Variants in MCTP2 observed in about 807,000 individuals in gnomAD.
The protein encoded by MCTP2 is multiple C2 and transmembrane domain containing 2.
MCTP2 carries 132 observed loss-of-function variants against 111.6 expected under a neutral mutation model. The observed-to-expected ratio is 1.18, with a 90% CI of 1.03 to 1.37. MCTP2 has a LOEUF of 1.37. MCTP2 is among the 40% of genes most tolerant of loss of function. The pLI is 0.00. For synonymous variants in MCTP2, 395 were observed against 387.7 expected (o/e 1.02, Z -0.22); for missense variants, 1,183 against 1,067.9 (o/e 1.11, Z -1.50).
At position 94,483,414 on chromosome 15, in the gene MCTP2, T is replaced by C. The variant is rs896756337; in HGVS notation, c.*4380T>C. 2 of 152,198 alleles carry C rather than the reference T, an allele frequency of 1.3e-5. No homozygotes were observed. Among genetic ancestry groups the C allele is most frequent in the African/African-American group, 4.8e-5 (2 of 41,450 alleles). The allele number at this position is 152,198 out of a possible 1,614,324, so 9.4% of individuals were successfully genotyped here. ...AAAACACATGCACACACATGTTCAC[T>C]GCAACACTATTTACAATAGCAAAGA... On this transcript the variant is annotated 3_prime_UTR_variant, in exon 23 of 23. Coordinates refer to ENST00000357742, the MANE Select transcript of MCTP2 (RefSeq NM_001385001.1).
chr15:94,421,943 G>A (rs1266002890), intron 17 of MCTP2, among the ~76,000 whole-genome samples: 3 of 152,152 alleles, frequency 2.0e-5, no homozygotes, highest in Admixed American at 2.0e-4. Context: ...TGAAGGATAA[G>A]GATTTCTAAA....
chr15:94,458,037 T>C (rs1188261073), intron 19 of MCTP2, 100 bp from the exon 20 acceptor site: 1 of 672,790 alleles, frequency 1.5e-6, no homozygotes, highest in Non-Finnish European at 2.6e-6. Context: ...TGTCACTCTA[T>C]TGGTAAAAAC....
At chr15:94,276,550 G>C (rs1015297090) in intron 1 of MCTP2, among the ~76,000 whole-genome samples, 1 of 151,382 alleles carries the variant, frequency 6.6e-6, no homozygotes, top group Non-Finnish European at 1.5e-5. Context: ...CCTAAACAAA[G>C]AACAAAGGAA....
chr15:94,319,769 ATAATT>A (rs1337354084), intron 4 of MCTP2, among the ~76,000 whole-genome samples: 2 of 152,258 alleles, frequency 1.3e-5, no homozygotes, highest in African/African-American at 4.8e-5. Flanking sequence ...GTATTGGAAT[ATAATT>A]TAATTTAGTA....
At chr15:94,468,327 G>GAATAAATCT (rs1596832213) in intron 20 of MCTP2, among the ~76,000 whole-genome samples, 2 of 152,028 alleles carry the variant, frequency 1.3e-5, no homozygotes, top group East Asian at 3.9e-4. Context: ...TTTACAGACT[G>GAATAAATCT]GAAATTATGG....
chr15:94,435,911 G>A (rs954988608), intron 17 of MCTP2, among the ~76,000 whole-genome samples: 2 of 152,032 alleles, frequency 1.3e-5, no homozygotes, highest in Non-Finnish European at 2.9e-5. Flanking sequence ...GATTACAGGC[G>A]TGAGCCACCG....
intron 20 of MCTP2, among the ~76,000 whole-genome samples, chr15:94,467,215 G>C (rs937248257): frequency 3.3e-5 from 5 of 152,232 alleles, no homozygotes; most frequent in African/African-American, 1.2e-4. Flanking sequence ...AGTTGCACAG[G>C]AGCTATTTTT....
chr15:94,349,587 G>A (rs1480399130), intron 8 of MCTP2, among the ~76,000 whole-genome samples: 2 of 152,126 alleles, frequency 1.3e-5, no homozygotes, highest in East Asian at 1.9e-4. Flanking sequence ...ACTGGAGGCT[G>A]AGGCGGGCGG....
intron 18 of MCTP2, among the ~76,000 whole-genome samples, chr15:94,441,754 T>C (rs577852132): frequency 6.6e-6 from 1 of 152,346 alleles, no homozygotes; most frequent in Non-Finnish European, 1.5e-5. Flanking sequence ...CAAAAACTAC[T>C]GGAACCATGT....
chr15:94,244,774 G>T (rs28972701), intron 1 of MCTP2, among the ~76,000 whole-genome samples: 4,156 of 140,006 alleles, frequency 0.03, 184 homozygotes, highest in Non-Finnish European at 0.047. Flanking sequence ...ATTCGTATAT[G>T]TATACACATA....
Position 94,470,456 on chromosome 15 carries a change from G to T in MCTP2, c.2470+14G>T. 2 of 1,519,898 alleles carry T rather than the reference G, an allele frequency of 1.3e-6. No individual in the cohort carries two copies. The highest frequency in any genetic ancestry group is 1.8e-6 in the Non-Finnish European group (2 of 1,094,208). 94.2% of individuals were successfully genotyped at this position (1,519,898 alleles called of 1,614,324 possible). ...TTTTAATCTGGGGTAAGTTTGGAAT[G>T]GTCCTTTTGCTAGCAATCAATTCCA... On this transcript the variant is annotated intron_variant, in intron 21 of 22. Coordinates refer to ENST00000357742, the MANE Select transcript of MCTP2 (RefSeq NM_001385001.1).
chr15:94,378,562 T>C (rs28502452), intron 12 of MCTP2, among the ~76,000 whole-genome samples: 110,999 of 152,108 alleles, frequency 0.73, 40,703 homozygotes, highest in African/African-American at 0.78. Flanking sequence ...GAAACTTTCT[T>C]ATGTCACTCA....
At chr15:94,294,456 C>T (rs575845287) in intron 1 of MCTP2, among the ~76,000 whole-genome samples, 1 of 152,274 alleles carries the variant, frequency 6.6e-6, no homozygotes, top group South Asian at 2.1e-4. Context: ...CTGCTTTCTA[C>T]TTGAATTTCT....
intron 20 of MCTP2, among the ~76,000 whole-genome samples, chr15:94,463,013 C>T (rs544513260): frequency 3.3e-5 from 5 of 152,220 alleles, no homozygotes; most frequent in African/African-American, 1.2e-4. Context: ...AATTGTGGGT[C>T]GCTGAGGGGA....
intron 20 of MCTP2, among the ~76,000 whole-genome samples, chr15:94,466,653 T>C (rs2073344079): frequency 6.6e-6 from 1 of 152,240 alleles, no homozygotes; most frequent in East Asian, 1.9e-4. Context: ...CAATCTCCCA[T>C]CGTACCATGC....
At chr15:94,413,112 G>A (rs995670659) in intron 17 of MCTP2, among the ~76,000 whole-genome samples, 3 of 152,116 alleles carry the variant, frequency 2.0e-5, no homozygotes, top group Non-Finnish European at 4.4e-5. Flanking sequence ...AAATAGCTTG[G>A]CAATCGCTTG....
At chr15:94,308,342 G>C (rs983718418) in intron 2 of MCTP2, among the ~76,000 whole-genome samples, 3 of 152,186 alleles carry the variant, frequency 2.0e-5, no homozygotes, top group African/African-American at 7.2e-5. Context: ...GGTCAGGCGA[G>C]GTGTGCTGTT....
At chr15:94,317,806 C>G (rs2076441380) in intron 4 of MCTP2, among the ~76,000 whole-genome samples, 1 of 152,118 alleles carries the variant, frequency 6.6e-6, no homozygotes, top group Non-Finnish European at 1.5e-5. Context: ...ATTTCTCTCT[C>G]TCTTGCTCAT....
chr15:94,462,490 C>T (rs543433557), intron 20 of MCTP2, among the ~76,000 whole-genome samples: 52 of 152,238 alleles, frequency 3.4e-4, no homozygotes, highest in African/African-American at 1.2e-3. Context: ...CCTTCAACTT[C>T]GGATTTTCTA....
Sources: allele counts gnomAD v4.1 joint callset (sites outside exome capture counted in the v4.1 genomes callset), GRCh38; gene constraint gnomAD v4.1.1; transcripts MANE v1.5; gene names NCBI Gene and HGNC (gene_info 2026-07-23, HGNC 2026-07-21).